AP1G1: variants seen among roughly 807,000 people sequenced by gnomAD.
The protein encoded by AP1G1 is AP-1 complex subunit gamma-1.
A neutral mutation model predicts 108.3 loss-of-function variants in AP1G1; 7 were observed. That is an observed-to-expected ratio of 0.06 (90% CI 0.04 to 0.12). The LOEUF is 0.12. AP1G1 is among the 10% of genes least tolerant of loss of function. The pLI is 1.00. For missense variants in AP1G1, 756 were observed against 1,010.7 expected, an observed-to-expected ratio of 0.75 and a Z score of 3.42; for synonymous variants, 379 against 353.5, an observed-to-expected ratio of 1.07 and a Z score of -0.81.
intron 4 of AP1G1, among the ~76,000 whole-genome samples, chr16:71,772,191 C>T (rs2031600472): frequency 6.6e-6 from 1 of 151,044 alleles, no homozygotes; most frequent in South Asian, 2.1e-4. Flanking sequence ...AGTACAATGG[C>T]GCAATGTCGG....
At chr16:71,763,252 A>G (rs2031175730) in intron 9 of AP1G1, among the ~76,000 whole-genome samples, 1 of 152,214 alleles carries the variant, frequency 6.6e-6, no homozygotes, top group Admixed American at 6.5e-5. Flanking sequence ...TAGAGAGTAA[A>G]AAGTAGAAAA....
At chr16:71,806,638 TAA>T (rs1195897265) in intron 1 of AP1G1, 5 of 1,200,066 alleles carry the variant, frequency 4.2e-6, no homozygotes, top group Non-Finnish European at 5.5e-6. Context: ...TTGAAAAGTC[TAA>T]GTCAGAAATG....
At chr16:71,753,910 A>G in intron 12 of AP1G1, 23 bp from the exon 13 acceptor site, 1 of 1,610,110 alleles carries the variant, frequency 6.2e-7, no homozygotes, top group East Asian at 2.2e-5. Flanking sequence ...ATGGAAAGGG[A>G]CACTTGGAAC....
chr16:71,733,421 G>T (rs994697509), intron 22 of AP1G1, among the ~76,000 whole-genome samples: 1 of 147,288 alleles, frequency 6.8e-6, no homozygotes. Flanking sequence ...TAAAAGGACA[G>T]AACTCCTTGG....
chr16:71,752,011 A>G (rs2030533492), intron 13 of AP1G1, among the ~76,000 whole-genome samples: 1 of 152,194 alleles, frequency 6.6e-6, no homozygotes, highest in South Asian at 2.1e-4. Context: ...ATATTAGCAA[A>G]TCAAACCCAA....
rs769225058 is a variant in AP1G1, at chr16:71,761,500, C to A, written c.974+12G>T. 20 of 1,540,846 alleles carry A rather than the reference C, an allele frequency of 1.3e-5. No homozygotes were observed. The highest frequency in any genetic ancestry group is 1.7e-5 in the Non-Finnish European group (19 of 1,114,278). ...AATATCCAAGATAAAAGACATATTT[C>A]AGTTAACTTACCTAATATTCTTGTC... On this transcript the variant is annotated intron_variant, in intron 10 of 22. Transcript: ENST00000299980.
At position 71,777,231 on chromosome 16, in the gene AP1G1, G is replaced by A. The variant is rs533830436; in HGVS notation, c.202-2639C>T. Among the ~76,000 whole-genome samples, 226 of 151,472 alleles carry A rather than the reference G, an allele frequency of 1.5e-3. 1 individual carries two copies. Among genetic ancestry groups the A allele is most frequent in the African/African-American group, 5.4e-3 (222 of 41,250 alleles). Reference sequence around the variant, plus strand: ...CGCTGTCTTAGAGGAGGGGATCTGAGGGAGATCCCAGGCAGGATAGGGATG... The same window carrying A: ...CGCTGTCTTAGAGGAGGGGATCTGAAGGAGATCCCAGGCAGGATAGGGATG... On this transcript the variant is annotated intron_variant, in intron 2 of 22. Transcript: ENST00000299980.
intron 21 of AP1G1, among the ~76,000 whole-genome samples, chr16:71,736,781 G>A (rs1037693395): frequency 7.0e-6 from 1 of 142,922 alleles, no homozygotes; most frequent in South Asian, 2.2e-4. Flanking sequence ...TTTTAGTAGA[G>A]ACGGGGTTTC....
chr16:71,808,705 C>T (rs2033086217), intron 1 of AP1G1, 58 bp downstream of exon 1: 2 of 1,285,258 alleles, frequency 1.6e-6, no homozygotes, highest in African/African-American at 1.5e-5. Context: ...GTCGAGCGCC[C>T]GCGGCAGCGG....
chr16:71,749,068 G>A (rs755663528), intron 15 of AP1G1, among the ~76,000 whole-genome samples: 58 of 151,896 alleles, frequency 3.8e-4, no homozygotes, highest in Admixed American at 2.0e-4. Context: ...CACCACGCCC[G>A]GCCAATTTTT....
intron 1 of AP1G1, among the ~76,000 whole-genome samples, chr16:71,795,198 G>C (rs1210886774): frequency 6.6e-6 from 1 of 151,976 alleles, no homozygotes; most frequent in African/African-American, 2.4e-5. Flanking sequence ...CAACTATCAA[G>C]GACACAACCA....
intron 16 of AP1G1, among the ~76,000 whole-genome samples, chr16:71,747,905 C>G (rs2030269108): frequency 6.6e-6 from 1 of 152,186 alleles, no homozygotes; most frequent in African/African-American, 2.4e-5. Flanking sequence ...ATCCCTTAAG[C>G]CCAGGAGTTC....
At chr16:71,783,281 C>T (rs1306296166) in intron 2 of AP1G1, among the ~76,000 whole-genome samples, 1 of 151,884 alleles carries the variant, frequency 6.6e-6, no homozygotes, top group Admixed American at 6.6e-5. Flanking sequence ...AAAAAAAGAA[C>T]TGCCATTGTT....
In AP1G1 at chr16:71,761,619, G is replaced by A. The variant is rs368237883; in HGVS notation, c.919-52C>T. On this transcript the variant is annotated intron_variant, in intron 9 of 22. Transcript: ENST00000299980. The stretch of plus-strand genomic sequence containing the variant: ...TTTAGGAAAATGGAAGTTTTATATT[G>A]TTTCCTGAGTTTAAAGGATCACTTC... 9.5e-5 allele frequency: 127 copies of A among 1,337,020 alleles called. No individual in the cohort carries two copies. The African/African-American group carries it at 1.7e-3, about 18-fold the overall frequency. 82.8% of individuals were successfully genotyped at this position (1,337,020 alleles called of 1,614,324 possible).
intron 11 of AP1G1, among the ~76,000 whole-genome samples, chr16:71,756,507 C>T (rs1002371544): frequency 2.0e-5 from 3 of 152,090 alleles, no homozygotes; most frequent in Non-Finnish European, 2.9e-5. Flanking sequence ...AAATGTATTA[C>T]CCAATAATAA....
At chr16:71,795,574 C>A (rs950441314) in intron 1 of AP1G1, among the ~76,000 whole-genome samples, 3 of 152,198 alleles carry the variant, frequency 2.0e-5, no homozygotes, top group Non-Finnish European at 4.4e-5. Context: ...ATGGGCCATA[C>A]AGAACCCCTA....
In AP1G1 at chr16:71,745,202, G is replaced by C; in HGVS notation, c.1941C>G (p.Ser647Arg). 6.2e-7 allele frequency: 1 copy of C among 1,614,154 alleles called. No homozygotes were observed. The highest frequency in any genetic ancestry group is 8.5e-7 in the Non-Finnish European group (1 of 1,180,024). ...ITPVIPTAPT[S>R]KPSSAGGELL... ...GTTCTCCACCAGCAGAAGATGGTTTGCTTGTAGGCGCAGTTGGAATAACAG... is the reference window on the plus strand; with the variant it reads ...GTTCTCCACCAGCAGAAGATGGTTTCCTTGTAGGCGCAGTTGGAATAACAG... Residue 647 changes from serine (S) to arginine (R), a missense_variant, in exon 19 of 23, where the codon AGC (serine) becomes AGG (arginine). Around this residue, in one of 3 missense-constraint regions of AP1G1, gnomAD observed 357 missense variants for 366.5 expected, o/e 0.97. Coordinates refer to ENST00000299980, the MANE Select transcript of AP1G1 (RefSeq NM_001128.6).
rs1456006296 is a variant in AP1G1 at position 71,730,911 on chromosome 16, T to C, written c.*2147A>G. The C allele has an allele frequency of 6.6e-6, 1 of 152,408 alleles. No homozygotes were observed. Among genetic ancestry groups the C allele is most frequent in the African/African-American group, 2.4e-5 (1 of 41,454 alleles). The allele number at this position is 152,408 out of a possible 1,614,324, so 9.4% of individuals were successfully genotyped here. On this transcript the variant is annotated 3_prime_UTR_variant, in exon 23 of 23. Transcript: ENST00000299980. ...CATTAGCTGACAGTGTCTTATAGCA[T>C]GGTCTTGAACAGATTTCTTCAGAGA...
intron 21 of AP1G1, among the ~76,000 whole-genome samples, chr16:71,736,117 A>AAAAAAAAAAAAAAAAAATATATAT (rs1555550846): frequency 1.4e-5 from 1 of 71,636 alleles, no homozygotes. Context: ...AAAAAAAAAA[A>AAAAAAAAAAAAAAAAAATATATAT]ATATATATAT....
Sources: gnomAD v4.1 joint callset for allele counts (sites outside exome capture counted in the v4.1 genomes callset) on GRCh38, gnomAD v4.1.1 for gene constraint, gnomAD v4.1.1 regional missense constraint, MANE v1.5 for transcripts, NCBI Gene and HGNC (gene_info 2026-07-23, HGNC 2026-07-21) for gene names.